ZNF544: variants seen among roughly 807,000 people sequenced by gnomAD.
The protein encoded by ZNF544 is zinc finger protein AF020591.
A neutral mutation model predicts 13.5 loss-of-function variants in ZNF544; 10 were observed. The observed-to-expected ratio is 0.74, with a 90% CI of 0.46 to 1.25. ZNF544 has a LOEUF of 1.25. Among genes scored for constraint, ZNF544 ranks in the 50% most tolerant of loss-of-function variants. The pLI is 0.00. For missense variants in ZNF544, 896 were observed against 845.6 expected (o/e 1.06, Z -0.74); for synonymous variants, 323 against 300.5 (o/e 1.07, Z -0.77).
At chr19:58,229,837 T>C (rs989067058) in intron 2 of ZNF544, 1 of 152,224 alleles carries the variant, frequency 6.6e-6, no homozygotes, top group Non-Finnish European at 1.5e-5. Flanking sequence ...AGGCATGGGG[T>C]TGGATTTCAA....
At chr19:58,230,891 C>T (rs1480159224) in intron 3 of ZNF544, among the ~76,000 whole-genome samples, 3 of 152,000 alleles carry the variant, frequency 2.0e-5, no homozygotes, top group Non-Finnish European at 4.4e-5. Context: ...GTTTGTGTGC[C>T]AGGAGGTTGA....
In ZNF544 at chr19:58,263,148, G is replaced by A; in HGVS notation, c.*394G>A. The A allele has an allele frequency of 9.9e-7, 1 of 1,005,930 alleles. No individual in the cohort carries two copies. The highest frequency in any genetic ancestry group is 1.2e-6 in the Non-Finnish European group (1 of 841,394). 62.3% of individuals were successfully genotyped at this position (1,005,930 alleles called of 1,614,324 possible). A position where few individuals can be genotyped will look rare whatever the true frequency, so the allele number is the denominator to read the frequency against. ...CCTTATTCAACATGAGAAAGCTCAT[G>A]GGCAAGAAACTCTATGAATAACCAA... On this transcript the variant is annotated 3_prime_UTR_variant, in exon 7 of 7. Coordinates refer to ENST00000687789, the MANE Select transcript of ZNF544 (RefSeq NM_014480.4).
intron 5 of ZNF544, 63 bp from the exon 6 acceptor site, chr19:58,246,648 G>C: frequency 2.5e-6 from 4 of 1,585,684 alleles, no homozygotes; most frequent in Non-Finnish European, 3.5e-6. Flanking sequence ...CTGAAGCTTG[G>C]ACCCAGGACA....
At position 58,262,454 on chromosome 19, in the gene ZNF544, C is replaced by A; in HGVS notation, c.1848C>A (p.Ser616Arg). The A allele has an allele frequency of 6.2e-7, 1 of 1,614,156 alleles. No individual in the cohort carries two copies. Among genetic ancestry groups the A allele is most frequent in the Non-Finnish European group, 8.5e-7 (1 of 1,180,030 alleles). The change falls in exon 7 of 7, where the codon AGC becomes AGA. Residue 616 changes from serine to arginine, a missense_variant. Coordinates refer to ENST00000687789, the MANE Select transcript of ZNF544 (RefSeq NM_014480.4). Reference protein sequence around the residue: ...CNECGKAFNRSTQLIRHLQIH... With the variant: ...CNECGKAFNRRTQLIRHLQIH... ...AGTGTGGAAAAGCCTTCAATCGAAG[C>A]ACTCAGCTCATCAGGCATCTGCAAA... is the stretch of plus-strand genomic sequence containing the variant.
chr19:58,273,645 G>C (rs986198133), intron 5 of ZNF544, among the ~76,000 whole-genome samples: 4 of 149,124 alleles, frequency 2.7e-5, no homozygotes, highest in African/African-American at 9.9e-5. Context: ...GGCCGAGATC[G>C]TGTCACTGCA....
In ZNF544 at chr19:58,261,577, C is replaced by G; in HGVS notation, c.971C>G (p.Thr324Ser). Reference sequence around the variant, plus strand: ...ACAGAAAGAAGTGGCCCTGGAGAGACCCCCTTCAGATGTGAGGAACGCTGT... The same window carrying G: ...ACAGAAAGAAGTGGCCCTGGAGAGAGCCCCTTCAGATGTGAGGAACGCTGT... The part of the protein sequence containing the change: ...VQTERSGPGE[T>S]PFRCEERCAA... The change falls in exon 7 of 7, where the codon ACC (threonine) becomes AGC (serine). Residue 324 changes from threonine to serine, a missense_variant. Transcript: ENST00000687789. 1 of 1,614,150 alleles carries G rather than the reference C, an allele frequency of 6.2e-7. No homozygotes were observed. The highest frequency in any genetic ancestry group is 8.5e-7 in the Non-Finnish European group (1 of 1,180,020).
chr19:58,250,993 A>G (rs1342932055), intron 6 of ZNF544, among the ~76,000 whole-genome samples: 1 of 152,206 alleles, frequency 6.6e-6, no homozygotes, highest in Non-Finnish European at 1.5e-5. Flanking sequence ...GCTGATTCCC[A>G]TTATGCGTGG....
Position 58,261,769 on chromosome 19 carries a change from C to G in ZNF544, c.1163C>G (p.Ser388Cys). ...TTCGAATGTACTCAGTGTGGGAAAT[C>G]TTTTAGCCAGAGCTATGACCTTGTC... ...KPFECTQCGK[S>C]FSQSYDLVIH... is the part of the protein sequence containing the mutation. The change falls in exon 7 of 7, where the codon TCT (serine) becomes TGT (cysteine). Residue 388 changes from serine (S) to cysteine (C), a missense_variant. Ser to Cys is a moderately radical substitution (Grantham distance 112). Transcript: ENST00000687789. The G allele has an allele frequency of 6.2e-7, 1 of 1,614,162 alleles. No individual in the cohort carries two copies. Among genetic ancestry groups the G allele is most frequent in the Non-Finnish European group, 8.5e-7 (1 of 1,180,042 alleles).
Position 58,262,273 on chromosome 19 carries a change from C to G in ZNF544, c.1667C>G (p.Ser556Cys). ...KPYQCIECGK[S>C]FRWNSNLVIH... ...TATCAGTGTATTGAATGTGGGAAAT[C>G]CTTCAGATGGAACTCTAACCTCGTC... Residue 556 changes from serine to cysteine, a missense_variant, in exon 7 of 7, where the codon TCC becomes TGC. Ser to Cys is a moderately radical substitution (Grantham distance 112). Coordinates refer to ENST00000687789, the MANE Select transcript of ZNF544 (RefSeq NM_014480.4). 1 of 1,613,876 alleles carries G rather than the reference C, an allele frequency of 6.2e-7. No individual in the cohort carries two copies. Among genetic ancestry groups the G allele is most frequent in the Non-Finnish European group, 8.5e-7 (1 of 1,180,036 alleles).
rs1200225526 is a variant in ZNF544 at position 58,262,839 on chromosome 19, C to G, written c.*85C>G. ...GACGCATGTCGGTGGGAAGAGCTAT[C>G]AGTGTGACGTGTATTAAGCCAGCGG... On this transcript the variant is annotated 3_prime_UTR_variant, in exon 7 of 7. Coordinates refer to ENST00000687789, the MANE Select transcript of ZNF544 (RefSeq NM_014480.4). 6.6e-6 allele frequency: 10 copies of G among 1,519,088 alleles called. No homozygotes were observed. Among genetic ancestry groups the G allele is most frequent in the Non-Finnish European group, 8.8e-6 (10 of 1,136,842 alleles). 94.1% of individuals were successfully genotyped at this position (1,519,088 alleles called of 1,614,324 possible).
chr19:58,240,873 A>G (rs920068319), intron 3 of ZNF544, among the ~76,000 whole-genome samples: 7 of 151,604 alleles, frequency 4.6e-5, no homozygotes, highest in African/African-American at 1.7e-4. Flanking sequence ...AGTATCATGG[A>G]ATGATGGGTT....
intron 4 of ZNF544, among the ~76,000 whole-genome samples, chr19:58,246,081 G>A (rs1363316070): frequency 1.3e-5 from 2 of 152,196 alleles, no homozygotes; most frequent in African/African-American, 2.4e-5. Flanking sequence ...CCTCTTACAT[G>A]TCCTCATATG....
At chr19:58,247,050 TCTTTA>T (rs1213234513) in intron 6 of ZNF544, among the ~76,000 whole-genome samples, 5 of 152,300 alleles carry the variant, frequency 3.3e-5, no homozygotes, top group African/African-American at 1.2e-4. Context: ...CATTTAGGCC[TCTTTA>T]CTTGATTTGT....
chr19:58,251,905 T>C (rs1310783445), intron 6 of ZNF544, among the ~76,000 whole-genome samples: 3 of 152,164 alleles, frequency 2.0e-5, no homozygotes, highest in Non-Finnish European at 2.9e-5. Context: ...CTGAGAACCT[T>C]AGCAACCCCT....
At chr19:58,255,940 T>C (rs2047227473) in intron 6 of ZNF544, among the ~76,000 whole-genome samples, 1 of 152,240 alleles carries the variant, frequency 6.6e-6, no homozygotes, top group African/African-American at 2.4e-5. Context: ...AAACGGCAGC[T>C]GAAAGATTTT....
At chr19:58,254,864 CTTTTT>C (rs557178874) in intron 6 of ZNF544, among the ~76,000 whole-genome samples, 1 of 139,020 alleles carries the variant, frequency 7.2e-6, no homozygotes. Flanking sequence ...TTCTTTCTTT[CTTTTT>C]TTTTTTTTTT....
chr19:58,230,661 T>C (rs535127127), intron 3 of ZNF544, among the ~76,000 whole-genome samples, 199 bp downstream of exon 3: 1 of 152,312 alleles, frequency 6.6e-6, no homozygotes, highest in South Asian at 2.1e-4. Flanking sequence ...GGATGTGGTC[T>C]ACATTTGTGT....
intron 6 of ZNF544, among the ~76,000 whole-genome samples, chr19:58,276,650 T>C (rs534414790): frequency 1.3e-5 from 2 of 152,098 alleles, no homozygotes; most frequent in Non-Finnish European, 2.9e-5. Flanking sequence ...GTATTTGTAT[T>C]AGAGACAAGG....
At chr19:58,242,033 T>G (rs2044008226) in intron 3 of ZNF544, among the ~76,000 whole-genome samples, 1 of 152,072 alleles carries the variant, frequency 6.6e-6, no homozygotes, top group Admixed American at 6.6e-5. Flanking sequence ...CCTGCGAAGC[T>G]CATGCCTAGA....
Sources: gnomAD v4.1 joint callset for allele counts (sites outside exome capture counted in the v4.1 genomes callset) on GRCh38, gnomAD v4.1.1 for gene constraint, MANE v1.5 for transcripts, NCBI Gene and HGNC (gene_info 2026-07-23, HGNC 2026-07-21) for gene names.